Variants in MYO5B observed in about 807,000 individuals in gnomAD.
MYO5B encodes the protein unconventional myosin-Vb.
MYO5B carries 143 observed loss-of-function variants against 229.3 expected under a neutral mutation model. That is an observed-to-expected ratio of 0.62 (90% confidence interval 0.54 to 0.72). The LOEUF (loss-of-function observed/expected upper bound fraction) is 0.72, where lower values mean the gene tolerates loss of function less well. Among genes scored for constraint, MYO5B ranks in the 30% least tolerant of loss-of-function variants. MYO5B has a pLI of 0.00. For missense variants in MYO5B, 2,321 were observed against 2,331.0 expected (o/e 1.00, Z 0.09); for synonymous variants, 918 against 885.2 (o/e 1.04, Z -0.66).
At chr18:49,834,165 A>G (rs557867631) in intron 39 of MYO5B, among the ~76,000 whole-genome samples, 3 of 152,252 alleles carry the variant, frequency 2.0e-5, no homozygotes, top group Non-Finnish European at 4.4e-5. Context: ...AAGGAGCTCC[A>G]AATAAAATCC....
At chr18:49,942,395 A>AC (rs1454448161) in intron 14 of MYO5B, among the ~76,000 whole-genome samples, 5 of 141,784 alleles carry the variant, frequency 3.5e-5, no homozygotes, top group African/African-American at 5.5e-5. Flanking sequence ...AAAAAAAAAA[A>AC]AAAAAAAAAA....
intron 7 of MYO5B, among the ~76,000 whole-genome samples, chr18:49,986,356 C>A (rs1374160851): frequency 6.6e-6 from 1 of 152,290 alleles, no homozygotes; most frequent in African/African-American, 2.4e-5. Flanking sequence ...CATGGACAGG[C>A]CAGGCAAGGA....
chr18:49,856,746 G>A lies in MYO5B; in HGVS notation c.4022+67C>T, dbSNP rs558585236. 81 of 1,352,640 alleles carry A rather than the reference G, an allele frequency of 6.0e-5. No individual in the cohort carries two copies. In the African/African-American group the frequency reaches 7.6e-4, roughly 13 times the overall value. The allele number at this position is 1,352,640 out of a possible 1,614,324, so 83.8% of individuals were successfully genotyped here. On this transcript the variant is annotated intron_variant, in intron 30 of 39. Transcript: ENST00000285039. ...CTCGCACCCACTGTAGCTGAAAAAC[G>A]GTTAAGCATAGACATGAGCAGGCCC... is the stretch of plus-strand genomic sequence containing the variant.
intron 4 of MYO5B, among the ~76,000 whole-genome samples, chr18:50,021,238 T>C: frequency 6.6e-6 from 1 of 152,138 alleles, no homozygotes; most frequent in South Asian, 2.1e-4. Flanking sequence ...TCCCACTGGA[T>C]GGAGCAAATT....
chr18:49,954,615 G>T (rs9675910), intron 12 of MYO5B, among the ~76,000 whole-genome samples, 180 bp from the exon 13 acceptor site: 4 of 152,076 alleles, frequency 2.6e-5, no homozygotes, highest in African/African-American at 9.7e-5. Flanking sequence ...ATCCGGCCAC[G>T]GCGTGCCCTC....
chr18:50,127,377 G>C (rs755644421), intron 1 of MYO5B, among the ~76,000 whole-genome samples: 5 of 152,154 alleles, frequency 3.3e-5, no homozygotes, highest in African/African-American at 4.8e-5. Context: ...TTTATCTACT[G>C]GAAAACTGGG....
chr18:50,182,086 T>C (rs1240548603), intron 1 of MYO5B, among the ~76,000 whole-genome samples: 1 of 152,248 alleles, frequency 6.6e-6, no homozygotes, highest in Non-Finnish European at 1.5e-5. Flanking sequence ...CCTCATGTGC[T>C]GGCTGTAACA....
At chr18:49,938,368 T>C (rs141090904) in intron 14 of MYO5B, among the ~76,000 whole-genome samples, 1 of 152,198 alleles carries the variant, frequency 6.6e-6, no homozygotes, top group East Asian at 1.9e-4. Context: ...CACAGTCCTG[T>C]CATCATCCCT....
chr18:50,167,366 A>C (rs1428901579), intron 1 of MYO5B, among the ~76,000 whole-genome samples: 1 of 152,150 alleles, frequency 6.6e-6, no homozygotes, highest in Non-Finnish European at 1.5e-5. Context: ...ACTGACCCCA[A>C]ATAAGAAGGC....
intron 1 of MYO5B, among the ~76,000 whole-genome samples, chr18:50,087,653 A>T (rs1043666804): frequency 2.6e-5 from 4 of 152,282 alleles, no homozygotes; most frequent in Admixed American, 6.5e-5. Flanking sequence ...TGTGTCTGTC[A>T]TCTATGCAGA....
intron 34 of MYO5B, among the ~76,000 whole-genome samples, chr18:49,842,322 C>T (rs776651208): frequency 1.6e-4 from 24 of 152,186 alleles, no homozygotes; most frequent in East Asian, 3.9e-4. Flanking sequence ...GTTTTAGAGC[C>T]GTGAGTGGAT....
intron 25 of MYO5B, 146 bp from the exon 26 acceptor site, chr18:49,875,973 T>C (rs768461857): frequency 3.1e-6 from 3 of 960,522 alleles, no homozygotes; most frequent in South Asian, 2.8e-5. Flanking sequence ...ACAAAGCCAA[T>C]GACAACCAAC....
intron 14 of MYO5B, among the ~76,000 whole-genome samples, chr18:49,951,250 G>T (rs2025428142): frequency 6.6e-6 from 1 of 152,140 alleles, no homozygotes. Flanking sequence ...ACTTTTTGCT[G>T]TAACAAATTA....
At chr18:50,150,385 T>C (rs2032579290) in intron 1 of MYO5B, among the ~76,000 whole-genome samples, 1 of 145,832 alleles carries the variant, frequency 6.9e-6, no homozygotes, top group Admixed American at 6.9e-5. Flanking sequence ...CATGCACACG[T>C]ATGTTTATTG....
intron 4 of MYO5B, among the ~76,000 whole-genome samples, chr18:50,019,348 C>A (rs187292843): frequency 5.3e-5 from 8 of 152,258 alleles, no homozygotes; most frequent in Non-Finnish European, 1.0e-4. Context: ...CCCCTGCTAC[C>A]CTCCCCACTT....
intron 6 of MYO5B, among the ~76,000 whole-genome samples, chr18:49,991,469 G>A (rs981750621): frequency 6.6e-5 from 10 of 152,134 alleles, no homozygotes; most frequent in Non-Finnish European, 1.2e-4. Flanking sequence ...ACTTCTATCG[G>A]CGTTGTGAGT....
chr18:49,980,080 G>C (rs942421491), intron 9 of MYO5B, among the ~76,000 whole-genome samples: 28 of 152,150 alleles, frequency 1.8e-4, no homozygotes, highest in African/African-American at 6.8e-4. Flanking sequence ...AGCATCACCA[G>C]GTACAGTGCC....
chr18:49,900,993 G>A (rs1304067407), intron 21 of MYO5B, among the ~76,000 whole-genome samples: 2 of 152,200 alleles, frequency 1.3e-5, no homozygotes, highest in Admixed American at 1.3e-4. Context: ...ACTTTGGCAA[G>A]GGACTTGATG....
intron 10 of MYO5B, among the ~76,000 whole-genome samples, chr18:49,973,325 T>A (rs2025710940): frequency 6.6e-6 from 1 of 152,220 alleles, no homozygotes; most frequent in Non-Finnish European, 1.5e-5. Flanking sequence ...TGTCTCCGCA[T>A]GCCACGTGGG....
Sources: gnomAD v4.1 joint callset for allele counts (sites outside exome capture counted in the v4.1 genomes callset) on GRCh38, gnomAD v4.1.1 for gene constraint, MANE v1.5 for transcripts, NCBI Gene and HGNC (gene_info 2026-07-23, HGNC 2026-07-21) for gene names.